The following PIK3CD variants were observed in gnomAD, a reference collection of about 807,000 sequenced individuals.
PIK3CD encodes the protein phosphatidylinositol 4,5-bisphosphate 3-kinase catalytic subunit delta isoform.
A neutral mutation model predicts 122.9 loss-of-function variants in PIK3CD; 20 were observed. The observed-to-expected ratio is 0.16, with a 90% CI of 0.11 to 0.24. The LOEUF is 0.24. Among genes scored for constraint, PIK3CD ranks in the 10% least tolerant of loss-of-function variants. The pLI, the probability that PIK3CD is intolerant of heterozygous loss-of-function variation, is 1.00. For synonymous variants in PIK3CD, 596 were observed against 593.4 expected (o/e 1.00, Z -0.06); for missense variants, 787 against 1,406.3 (o/e 0.56, Z 7.04).
intron 2 of PIK3CD, among the ~76,000 whole-genome samples, chr1:9,696,045 C>A (rs1259606248): frequency 1.3e-5 from 2 of 150,482 alleles, no homozygotes; most frequent in South Asian, 2.1e-4. Flanking sequence ...GATCATGGCT[C>A]ACTGCAGCCT....
rs139723347 is a variant in PIK3CD at position 9,707,984 on chromosome 1, A to C, written c.-32-2440A>C. Among the ~76,000 whole-genome samples the C allele has an allele frequency of 7.6e-4, 115 of 150,988 alleles. No individual in the cohort carries two copies. The East Asian group carries it at 0.02, about 26-fold the overall frequency. On this transcript the variant is annotated intron_variant, in intron 2 of 23. Transcript: ENST00000377346. ...AATTTTTTTGTATTTTTAGTAGAGA[A>C]GGGGTTTCACTGTGTTAGCCAGGAT...
At chr1:9,706,552 T>C (rs901773321) in intron 2 of PIK3CD, among the ~76,000 whole-genome samples, 3 of 152,116 alleles carry the variant, frequency 2.0e-5, no homozygotes, top group Non-Finnish European at 4.4e-5. Context: ...GTAGATTGGA[T>C]AAAATCTACA....
chr1:9,675,475 A>C (rs942152581), intron 1 of PIK3CD, among the ~76,000 whole-genome samples: 3 of 152,048 alleles, frequency 2.0e-5, no homozygotes, highest in Non-Finnish European at 4.4e-5. Flanking sequence ...AGGCACAGAA[A>C]GGGGAAGTAA....
chr1:9,695,975 CT>C (rs577549219), intron 2 of PIK3CD, among the ~76,000 whole-genome samples: 2,414 of 143,466 alleles, frequency 0.017, 42 homozygotes, highest in African/African-American at 0.046. Context: ...ACATTAAAGA[CT>C]TTTTTTTTTT....
intron 2 of PIK3CD, among the ~76,000 whole-genome samples, chr1:9,694,972 A>AAGAGAG (rs113822530): frequency 1.3e-5 from 2 of 150,752 alleles, no homozygotes; most frequent in African/African-American, 4.9e-5. Context: ...AAAAACAAAA[A>AAGAGAG]AGAGAGAGAG....
chr1:9,693,311 G>A (rs1444919389), intron 2 of PIK3CD, among the ~76,000 whole-genome samples: 9 of 152,064 alleles, frequency 5.9e-5, no homozygotes, highest in African/African-American at 1.9e-4. Flanking sequence ...TGCCACCTCC[G>A]CCTCCCGGGT....
chr1:9,726,779 C>A, intron 23 of PIK3CD, 130 bp from the exon 24 acceptor site: 2 of 1,211,334 alleles, frequency 1.7e-6, no homozygotes, highest in Non-Finnish European at 1.2e-6. Flanking sequence ...GAATAGAGAG[C>A]TTTTCCTGAG....
chr1:9,694,309 A>G (rs1048323642), intron 2 of PIK3CD, among the ~76,000 whole-genome samples: 2 of 152,112 alleles, frequency 1.3e-5, no homozygotes, highest in Non-Finnish European at 2.9e-5. Context: ...AGGCGGGAGG[A>G]TCATCACTTA....
At chr1:9,682,684 G>A (rs1645802146) in intron 1 of PIK3CD, among the ~76,000 whole-genome samples, 1 of 151,662 alleles carries the variant, frequency 6.6e-6, no homozygotes, top group African/African-American at 2.4e-5. Flanking sequence ...CGAGTAGCTG[G>A]GATTACAGGT....
At chr1:9,674,692 C>CAAAAAAAAAAAAAAAAAA (rs35463378) in intron 1 of PIK3CD, among the ~76,000 whole-genome samples, 1 of 58,218 alleles carries the variant, frequency 1.7e-5, no homozygotes, top group Admixed American at 1.7e-4. Context: ...GACTCCGTCT[C>CAAAAAAAAAAAAAAAAAA]AAAAAAAAAA....
At chr1:9,633,132 A>T in the PIK3CD span, among the ~76,000 whole-genome samples, 1 of 152,030 alleles carries the variant, frequency 6.6e-6, no homozygotes, top group Non-Finnish European at 1.5e-5. Flanking sequence ...TAGTGCTGGG[A>T]TTACAGGCGT....
At chr1:9,713,089 C>T (rs914420034) in intron 3 of PIK3CD, among the ~76,000 whole-genome samples, 2 of 151,814 alleles carry the variant, frequency 1.3e-5, no homozygotes, top group Non-Finnish European at 2.9e-5. Flanking sequence ...AGGCTGAGGC[C>T]GAAGAATTGC....
At chr1:9,649,281 A>G (rs1328875167), upstream of PIK3CD, among the ~76,000 whole-genome samples, 1 of 149,988 alleles carries the variant, frequency 6.7e-6, no homozygotes, top group Non-Finnish European at 1.5e-5. Context: ...CCCAGGCTGG[A>G]GTGCAGTGGC....
chr1:9,672,060 C>A (rs373913765), intron 1 of PIK3CD, among the ~76,000 whole-genome samples: 4 of 152,278 alleles, frequency 2.6e-5, no homozygotes, highest in South Asian at 4.1e-4. Context: ...TGGCAGTAAC[C>A]TTGACCCTGA....
In PIK3CD at chr1:9,723,031, G is replaced by A; in HGVS notation, c.2427-94G>A. The A allele has an allele frequency of 7.8e-7, 1 of 1,275,896 alleles. No homozygotes were observed. Among genetic ancestry groups the A allele is most frequent in the Non-Finnish European group, 1.1e-6 (1 of 876,336 alleles). The allele number at this position is 1,275,896 out of a possible 1,614,324, so 79.0% of individuals were successfully genotyped here. ...AATGTGGGCAGCAGCATCTTCTGTGGCTTTTTGGGGCACCATGAGTTTCTG... is the reference window on the plus strand; with the variant it reads ...AATGTGGGCAGCAGCATCTTCTGTGACTTTTTGGGGCACCATGAGTTTCTG... On this transcript the variant is annotated intron_variant, in intron 19 of 23. Transcript: ENST00000377346. This position sits in a 1 kb window ranked among gnomAD's most constrained non-coding sequence, Gnocchi z 4.9.
chr1:9,727,028 C>G lies in PIK3CD; in HGVS notation c.3117C>G (p.Ser1039=), dbSNP rs1557680489. ...TGAACTGGCTGGCCCACAACGTGTC[C>G]AAAGACAACAGGCAGTAGTGGCTCC... is the stretch of plus-strand genomic sequence containing the variant. ...TKVNWLAHNV[S]KDNRQ is the part of the protein sequence containing the mutation. The change falls in exon 24 of 24, where the codon TCC becomes TCG. Residue 1039 remains serine, a synonymous_variant. Coordinates refer to ENST00000377346, the MANE Select transcript of PIK3CD (RefSeq NM_005026.5). 2.5e-6 allele frequency: 4 copies of G among 1,614,074 alleles called. No individual in the cohort carries two copies. The highest frequency in any genetic ancestry group is 3.4e-6 in the Non-Finnish European group (4 of 1,180,018).
intron 1 of PIK3CD, among the ~76,000 whole-genome samples, chr1:9,681,724 A>G (rs1454646859): frequency 6.6e-6 from 1 of 152,100 alleles, no homozygotes; most frequent in African/African-American, 2.4e-5. Flanking sequence ...TTCTTTTATA[A>G]TCTAATGTTA....
At chr1:9,642,818 T>C in the PIK3CD span, among the ~76,000 whole-genome samples, 2 of 150,874 alleles carry the variant, frequency 1.3e-5, no homozygotes, top group East Asian at 2.0e-4. Context: ...TGGCCAGGCA[T>C]GGTGGCTCAT....
At chr1:9,632,463 T>G in the PIK3CD span, among the ~76,000 whole-genome samples, 2 of 152,210 alleles carry the variant, frequency 1.3e-5, no homozygotes, top group Non-Finnish European at 2.9e-5. Context: ...TAACTGGGAC[T>G]GCGGCCATGT....
Sources: gnomAD v4.1 joint callset for allele counts (sites outside exome capture counted in the v4.1 genomes callset) on GRCh38, gnomAD v4.1.1 for gene constraint, Gnocchi (gnomAD v3.1) non-coding constraint, MANE v1.5 for transcripts, NCBI Gene and HGNC (gene_info 2026-07-23, HGNC 2026-07-21) for gene names.